RAD51C: variants seen among roughly 807,000 people sequenced by gnomAD.
RAD51C encodes the protein DNA repair protein RAD51 homolog 3.
In RAD51C, 42 loss-of-function variants were observed where a neutral mutation model predicts 45.0. The ratio of observed to expected loss-of-function variants is 0.93; its 90% CI spans 0.73 to 1.21. The LOEUF (loss-of-function observed/expected upper bound fraction) is 1.21. Among genes scored for constraint, RAD51C ranks in the 50% most tolerant of loss-of-function variants. The pLI is 0.00. For missense variants in RAD51C, 474 were observed against 452.2 expected, an observed-to-expected ratio of 1.05 and a Z score of -0.44; for synonymous variants, 172 against 159.8, an observed-to-expected ratio of 1.08 and a Z score of -0.58.
chr17:58,728,190 A>C (rs576040209), intron 7 of RAD51C, among the ~76,000 whole-genome samples: 83 of 151,160 alleles, frequency 5.5e-4, no homozygotes, highest in Non-Finnish European at 1.0e-3. Flanking sequence ...GGTTGCAGTG[A>C]GCCAAGATTG....
chr17:58,706,673 A>G (rs995244784), intron 4 of RAD51C: 1 of 250,414 alleles, frequency 4.0e-6, no homozygotes, highest in Non-Finnish European at 9.1e-6. Flanking sequence ...TTCTTGAGGA[A>G]TAGGGCACAT....
At chr17:58,728,734 G>A (rs1284394970) in intron 7 of RAD51C, among the ~76,000 whole-genome samples, 1 of 152,118 alleles carries the variant, frequency 6.6e-6, no homozygotes, top group Non-Finnish European at 1.5e-5. Flanking sequence ...ATTATATTGG[G>A]CATTGAACTT....
intron 8 of RAD51C, chr17:58,732,881 A>G (rs1177147199): frequency 3.4e-6 from 1 of 290,216 alleles, no homozygotes; most frequent in Non-Finnish European, 6.6e-6. Context: ...TTTGGTCTGT[A>G]GGTATTATAG....
At chr17:58,716,853 C>T (rs2048756332) in intron 5 of RAD51C, among the ~76,000 whole-genome samples, 1 of 151,420 alleles carries the variant, frequency 6.6e-6, no homozygotes. Context: ...TCACTGCAAG[C>T]TCTGCCTCCC....
At chr17:58,717,087 C>T (rs1401270308) in intron 5 of RAD51C, among the ~76,000 whole-genome samples, 1 of 151,956 alleles carries the variant, frequency 6.6e-6, no homozygotes, top group African/African-American at 2.4e-5. Flanking sequence ...TCGTGAGCCA[C>T]CGCACCTGGC....
rs1014996131 is a variant in RAD51C, at chr17:58,694,530, G to T, written c.146-401G>T. On this transcript the variant is annotated intron_variant, in intron 1 of 8. Coordinates refer to ENST00000337432, the MANE Select transcript of RAD51C (RefSeq NM_058216.3). The stretch of plus-strand genomic sequence containing the variant: ...GAGTCTCGCACTGTCATCCAGGCTG[G>T]AATGCAGTGGTGCGATCCAGGCTGG... 3 of 194,602 alleles carry T rather than the reference G, an allele frequency of 1.5e-5. No individual in the cohort carries two copies. The East Asian group carries it at 3.9e-4, about 25-fold the overall frequency. 12.1% of individuals were successfully genotyped at this position (194,602 alleles called of 1,614,324 possible). A position where few individuals can be genotyped will look rare whatever the true frequency, so the allele number is the denominator to read the frequency against.
chr17:58,731,635 A>T (rs172565), intron 7 of RAD51C, among the ~76,000 whole-genome samples: 96,621 of 152,106 alleles, frequency 0.64, 31,052 homozygotes, highest in African/African-American at 0.71. Context: ...GAGCTTAGAA[A>T]TTTATTTCTC....
Position 58,692,757 on chromosome 17 carries a change from C to A in RAD51C, c.114C>A (p.Leu38=). 6.2e-7 allele frequency: 1 copy of A among 1,614,228 alleles called. No homozygotes were observed. Among genetic ancestry groups the A allele is most frequent in the African/African-American group, 1.3e-5 (1 of 75,058 alleles). ...CGGGGTTCCAGACTGCTGAGGAACTCCTAGAGGTGAAACCCTCCGAGCTTA... is the reference window on the plus strand; with the variant it reads ...CGGGGTTCCAGACTGCTGAGGAACTACTAGAGGTGAAACCCTCCGAGCTTA... ...VSAGFQTAEE[L]LEVKPSELSK... The change falls in exon 1 of 9, where the codon CTC becomes CTA. Residue 38 remains leucine (L), a synonymous_variant. Coordinates refer to ENST00000337432, the MANE Select transcript of RAD51C (RefSeq NM_058216.3).
At chr17:58,727,234 CTTGT>C (rs1294332249) in intron 7 of RAD51C, among the ~76,000 whole-genome samples, 1 of 151,604 alleles carries the variant, frequency 6.6e-6, no homozygotes, top group East Asian at 2.0e-4. Flanking sequence ...AAGTGATTCT[CTTGT>C]CTCAGCCTGC....
intron 5 of RAD51C, among the ~76,000 whole-genome samples, chr17:58,716,676 A>G (rs1182908980): frequency 6.6e-6 from 1 of 151,232 alleles, no homozygotes; most frequent in Non-Finnish European, 1.5e-5. Context: ...GTTAGCCAGG[A>G]TGGCTTTGAT....
intron 5 of RAD51C, among the ~76,000 whole-genome samples, chr17:58,718,381 G>A (rs555186523): frequency 1.7e-3 from 257 of 152,160 alleles, no homozygotes; most frequent in African/African-American, 5.9e-3. Context: ...TTCATTATCA[G>A]TTTTAGTTTG....
rs1483938000 is a variant in RAD51C, at chr17:58,703,268, A to G, written c.644A>G (p.Asp215Gly). 2 of 1,609,192 alleles carry G rather than the reference A, an allele frequency of 1.2e-6. No homozygotes were observed. The highest frequency in any genetic ancestry group is 4.5e-5 in the East Asian group (2 of 44,796). ...CATATTTATTATTTTCGCTGTCGTG[A>G]CTACACAGAGTTACTGGCACAAGTT... The part of the protein sequence containing the change: ...LSHIYYFRCR[D>G]YTELLAQVYL... Residue 215 changes from aspartate (D) to glycine (G), a missense_variant, in exon 4 of 9, where the codon GAC becomes GGC. Asp to Gly is a moderately conservative substitution (Grantham distance 94). Transcript: ENST00000337432.
chr17:58,726,788 T>C (rs2049171293), intron 7 of RAD51C, among the ~76,000 whole-genome samples: 1 of 151,992 alleles, frequency 6.6e-6, no homozygotes, highest in Admixed American at 6.6e-5. Context: ...AGACTGAAAA[T>C]AGTATTATCT....
intron 5 of RAD51C, among the ~76,000 whole-genome samples, chr17:58,719,092 C>T (rs1027017920): frequency 6.6e-6 from 1 of 152,120 alleles, no homozygotes; most frequent in African/African-American, 2.4e-5. Flanking sequence ...GGCATGGTGG[C>T]AGGCACCTGT....
At chr17:58,715,519 C>T (rs146922723) in intron 5 of RAD51C, among the ~76,000 whole-genome samples, 3 of 151,646 alleles carry the variant, frequency 2.0e-5, no homozygotes, top group East Asian at 3.9e-4. Context: ...CTCCCCCAGT[C>T]CCTCACAACC....
chr17:58,709,143 G>A (rs1008529437), intron 4 of RAD51C, among the ~76,000 whole-genome samples: 1 of 145,382 alleles, frequency 6.9e-6, no homozygotes, highest in South Asian at 2.2e-4. Context: ...CGCCCAGGCT[G>A]GAGTACAGTG....
rs1330937621 is a variant in RAD51C, at chr17:58,696,853, G to A, written c.565G>A (p.Gly189Arg). 1 of 1,614,060 alleles carries A rather than the reference G, an allele frequency of 6.2e-7. No individual in the cohort carries two copies. The highest frequency in any genetic ancestry group is 1.6e-4 in the Middle Eastern group (1 of 6,062). ...HLQLIAEKHK[G>R]EEHRKALEDF... ...TCAGCTTATAGCAGAAAAACACAAG[G>A]GAGAGGGTAAGTTAGTAAATGATCT... Residue 189 changes from glycine to arginine, a missense_variant, in exon 3 of 9, where the codon GGA (glycine) becomes AGA (arginine). Transcript: ENST00000337432.
chr17:58,720,794 TTGCTTGTTCC>T lies in RAD51C; in HGVS notation c.890_899del (p.Leu297HisfsTer2), dbSNP rs1555602141. 6.2e-7 allele frequency: 1 copy of T among 1,612,308 alleles called. No homozygotes were observed. ...AACAAAGATTGATAGAAATCAGGCC[TTGCTTGTTCC>T]TGCATTAGGTGGGTAATTAATCAGA... On this transcript the variant is annotated frameshift_variant, in exon 6 of 9. Transcript: ENST00000337432. LOFTEE classifies it high-confidence loss of function.
intron 5 of RAD51C, 49 bp from the exon 6 acceptor site, chr17:58,720,697 A>G (rs750686850): frequency 1.0e-5 from 15 of 1,439,482 alleles, no homozygotes; most frequent in Non-Finnish European, 1.3e-5. Flanking sequence ...GGTCTACTTG[A>G]TAATTTTCAA....
Sources: gnomAD v4.1 joint callset for allele counts (sites outside exome capture counted in the v4.1 genomes callset) on GRCh38, gnomAD v4.1.1 for gene constraint, MANE v1.5 for transcripts, NCBI Gene and HGNC (gene_info 2026-07-23, HGNC 2026-07-21) for gene names.